The following TIAM1 variants were observed in gnomAD, a reference collection of about 807,000 sequenced individuals.
TIAM1 encodes the protein TIAM Rac1 associated GEF 1, also known as rho guanine nucleotide exchange factor TIAM1.
A neutral mutation model predicts 163.5 loss-of-function variants in TIAM1; 65 were observed. That is an observed-to-expected ratio of 0.40 (90% confidence interval 0.33 to 0.49). The LOEUF is 0.49. Ranked by LOEUF, TIAM1 falls within the 20% of genes least tolerant of loss-of-function variation. The pLI is 0.77. For missense variants in TIAM1, 1,789 were observed against 2,044.7 expected (o/e 0.87, Z 2.41); for synonymous variants, 833 against 810.1 (o/e 1.03, Z -0.48).
Position 31,375,370 on chromosome 21 carries a change from G to A in TIAM1, c.-368-35948C>T, listed in dbSNP as rs535935337. Among the ~76,000 whole-genome samples the A allele has an allele frequency of 5.4e-4, 82 of 152,270 alleles. No homozygotes were observed. In the Middle Eastern group the frequency reaches 0.017, roughly 32 times the overall value. ...TGTGCATGAATATGTATATATCTCC[G>A]TGTAGTATACACATATACATGTGTA... On this transcript the variant is annotated intron_variant, in intron 2 of 28. Coordinates refer to the TIAM1 transcript ENST00000286827.
chr21:31,489,599 G>T (rs1021488734), intron 1 of TIAM1, among the ~76,000 whole-genome samples: 1 of 151,664 alleles, frequency 6.6e-6, no homozygotes, highest in African/African-American at 2.4e-5. Flanking sequence ...GATGGGAGGG[G>T]CCACCCTGGG....
chr21:31,223,645 C>A, intron 7 of TIAM1, 54 bp from the exon 8 acceptor site: 1 of 1,537,908 alleles, frequency 6.5e-7, no homozygotes, highest in Admixed American at 2.0e-5. Context: ...GAAACAAATG[C>A]TAATATCTTT....
At chr21:31,332,467 C>T (rs1046493750) in intron 2 of TIAM1, among the ~76,000 whole-genome samples, 1 of 152,142 alleles carries the variant, frequency 6.6e-6, no homozygotes, top group Non-Finnish European at 1.5e-5. Flanking sequence ...GGTCTCCTGA[C>T]CTCTTTCTAG....
chr21:31,425,034 C>T lies in TIAM1; in HGVS notation c.-369+38949G>A, dbSNP rs896606283. 9.5e-5 allele frequency among the ~76,000 whole-genome samples: 14 copies of T among 147,298 alleles called. No individual in the cohort carries two copies. The South Asian group carries it at 1.1e-3, about 11-fold the overall frequency. ...TACCACTGCACTCCAGTCCAGGCAA[C>T]AGAGCAGGACTCCGTCTCAAACAAA... On this transcript the variant is annotated intron_variant, in intron 2 of 28. Coordinates refer to the TIAM1 transcript ENST00000286827.
At chr21:31,398,528 A>G (rs965856125) in intron 2 of TIAM1, among the ~76,000 whole-genome samples, 1 of 152,238 alleles carries the variant, frequency 6.6e-6, no homozygotes, top group Non-Finnish European at 1.5e-5. Flanking sequence ...TCAAATATCT[A>G]AACACCTGAC....
At chr21:31,205,699 C>T (rs1211467167) in intron 11 of TIAM1, among the ~76,000 whole-genome samples, 1 of 152,220 alleles carries the variant, frequency 6.6e-6, no homozygotes, top group Non-Finnish European at 1.5e-5. Context: ...GGCATGGTGG[C>T]TCATGCCTGT....
At position 31,451,740 on chromosome 21, in the gene TIAM1, TGTGTGTGTGTGTGTGTGTGTGA is replaced by T. The variant is rs1360420878; in HGVS notation, c.-369+12221_-369+12242del. 2.0e-5 allele frequency among the ~76,000 whole-genome samples: 3 copies of T among 147,510 alleles called. 1 individual carries two copies. Among genetic ancestry groups the T allele is most frequent in the Admixed American group, 1.4e-4 (2 of 14,602 alleles). Reference sequence around the variant, plus strand: ...GTGCGTGTGTGTGTGTGTGTGTGTGTGTGTGTGTGTGTGTGTGTGTGAGACACAGAGAGAGAGAGAGAGAGAG... The same window carrying T: ...GTGCGTGTGTGTGTGTGTGTGTGTGTGACACAGAGAGAGAGAGAGAGAGAG... On this transcript the variant is annotated intron_variant, in intron 2 of 28. Transcript: ENST00000286827.
At position 31,165,009 on chromosome 21, in the gene TIAM1, C is replaced by T. The variant is rs751281586; in HGVS notation, c.2944G>A (p.Glu982Lys). ...SSAETAPEET[E>K]GPDLESSDET... Reference sequence around the variant, plus strand: ...TCTGAGGATTCCAAGTCTGGCCCCTCGGTCTCCTCTGGAGCGGTCTCAGCA... The same window carrying T: ...TCTGAGGATTCCAAGTCTGGCCCCTTGGTCTCCTCTGGAGCGGTCTCAGCA... The change falls in exon 16 of 28, where the codon GAG (glutamate) becomes AAG (lysine). Residue 982 changes from glutamate to lysine, a missense_variant. Around this residue, in one of 5 missense-constraint regions of TIAM1, gnomAD observed 303 missense variants for 321.3 expected, o/e 0.94. Transcript: ENST00000541036. The T allele has an allele frequency of 2.3e-5, 37 of 1,614,048 alleles. No homozygotes were observed. The East Asian group carries it at 4.2e-4, about 18-fold the overall frequency.
At chr21:31,285,081 A>G (rs978578735) in intron 2 of TIAM1, among the ~76,000 whole-genome samples, 5 of 152,216 alleles carry the variant, frequency 3.3e-5, no homozygotes, top group Non-Finnish European at 7.3e-5. Context: ...AGCCAAGAGG[A>G]AAGTCTTTCA....
In TIAM1 at chr21:31,326,183, G is replaced by GT. The variant is rs573261047; in HGVS notation, c.-189+13059dup. On this transcript the variant is annotated intron_variant, in intron 2 of 27. Coordinates refer to ENST00000541036, the MANE Select transcript of TIAM1 (RefSeq NM_001353694.2). ...CCTATTAATGACATGTCCTGATTTTGTTTGGTTTTGTTCTGTTCCATTTTT... is the reference window on the plus strand; with the variant it reads ...CCTATTAATGACATGTCCTGATTTTGTTTTGGTTTTGTTCTGTTCCATTTTT... 5.1e-3 allele frequency among the ~76,000 whole-genome samples: 772 copies of GT among 152,198 alleles called. 7 individuals carry two copies. The highest frequency in any genetic ancestry group is 0.027 in the South Asian group (131 of 4,814).
At chr21:31,213,232 A>C (rs1249207674) in intron 10 of TIAM1, 166 bp downstream of exon 10, 7 of 580,176 alleles carry the variant, frequency 1.2e-5, no homozygotes, top group Non-Finnish European at 2.1e-5. Flanking sequence ...TTTAAATATA[A>C]AATGATTTTC....
intron 2 of TIAM1, among the ~76,000 whole-genome samples, chr21:31,303,969 C>T (rs11701452): frequency 0.12 from 18,663 of 151,920 alleles, 1,610 homozygotes; most frequent in Middle Eastern, 0.31. Context: ...CAGAGTGAGA[C>T]GCCATCTCAA....
intron 2 of TIAM1, among the ~76,000 whole-genome samples, chr21:31,361,452 G>A (rs1216276649): frequency 6.6e-6 from 1 of 152,138 alleles, no homozygotes; most frequent in Non-Finnish European, 1.5e-5. Context: ...CTTGGGGGCT[G>A]CCAATGTTGC....
chr21:31,326,115 A>C (rs1007252035), intron 2 of TIAM1, among the ~76,000 whole-genome samples: 1 of 152,188 alleles, frequency 6.6e-6, no homozygotes, highest in African/African-American at 2.4e-5. Flanking sequence ...GACCCCAGCG[A>C]GACCCCAACT....
intron 5 of TIAM1, among the ~76,000 whole-genome samples, chr21:31,246,337 T>C (rs965176260): frequency 6.6e-6 from 1 of 152,114 alleles, no homozygotes; most frequent in Non-Finnish European, 1.5e-5. Context: ...AATTGCACTG[T>C]GAAACTAACA....
In TIAM1 at chr21:31,266,443, C is replaced by G; in HGVS notation, c.530G>C (p.Arg177Pro). Reference sequence around the variant, plus strand: ...GAGTGAGAATTCCAGGCTGTCCTCCCGCCAGATGTCTGCAGATTTGGAGCG... The same window carrying G: ...GAGTGAGAATTCCAGGCTGTCCTCCGGCCAGATGTCTGCAGATTTGGAGCG... ...KKRSKSADIW[R>P]EDSLEFSLSD... Residue 177 changes from arginine to proline, a missense_variant, in exon 4 of 28, where the codon CGG becomes CCG. Arg to Pro is a moderately radical substitution (Grantham distance 103). This residue lies in a region of TIAM1 where 555 missense variants were observed against 564.9 expected (regional missense o/e 0.98). Coordinates refer to ENST00000541036, the MANE Select transcript of TIAM1 (RefSeq NM_001353694.2). The G allele has an allele frequency of 6.2e-7, 1 of 1,614,198 alleles. No homozygotes were observed. The highest frequency in any genetic ancestry group is 8.5e-7 in the Non-Finnish European group (1 of 1,180,042).
chr21:31,236,535 A>G (rs1344581916), intron 6 of TIAM1, among the ~76,000 whole-genome samples: 1 of 151,910 alleles, frequency 6.6e-6, no homozygotes, highest in Non-Finnish European at 1.5e-5. Flanking sequence ...AGATCAAATA[A>G]GGATCCCAGA....
chr21:31,407,768 T>A (rs1240959897), intron 2 of TIAM1, among the ~76,000 whole-genome samples: 1 of 151,600 alleles, frequency 6.6e-6, no homozygotes, highest in Non-Finnish European at 1.5e-5. Flanking sequence ...CCAGAGTAGC[T>A]GATATTACAG....
At chr21:31,531,631 G>A (rs1352474271) in intron 1 of TIAM1, among the ~76,000 whole-genome samples, 1 of 152,006 alleles carries the variant, frequency 6.6e-6, no homozygotes. Context: ...GGATCAAAGA[G>A]GACCCAGAGA....
Sources: allele counts gnomAD v4.1 joint callset (sites outside exome capture counted in the v4.1 genomes callset), GRCh38; gene constraint gnomAD v4.1.1; regional missense constraint gnomAD v4.1.1; transcripts MANE v1.5; gene names NCBI Gene and HGNC (gene_info 2026-07-23, HGNC 2026-07-21).